Variants in HPSE2 observed in about 807,000 individuals in gnomAD.
HPSE2 encodes the protein inactive heparanase-2.
In HPSE2, 38 loss-of-function variants were observed where a neutral mutation model predicts 60.5. That is an observed-to-expected ratio of 0.63 (90% CI 0.48 to 0.82). HPSE2 has a LOEUF of 0.82. Ranked by LOEUF, HPSE2 falls within the 40% of genes least tolerant of loss-of-function variation. HPSE2 has a pLI of 0.00. For synonymous variants in HPSE2, 295 were observed against 293.2 expected (o/e 1.01, Z -0.06); for missense variants, 713 against 740.4 (o/e 0.96, Z 0.43).
intron 3 of HPSE2, among the ~76,000 whole-genome samples, chr10:99,066,118 T>C (rs1051888663): frequency 2.6e-5 from 4 of 151,900 alleles, no homozygotes; most frequent in Non-Finnish European, 5.9e-5. Context: ...CTAAAGATTA[T>C]AGCTTTGGCA....
chr10:98,609,351 C>T (rs889050297), intron 9 of HPSE2, among the ~76,000 whole-genome samples: 12 of 152,234 alleles, frequency 7.9e-5, no homozygotes, highest in South Asian at 4.2e-4. Context: ...TAAGTGTTTA[C>T]GAATAAGTGA....
rs1564832664 is a variant in HPSE2, at chr10:99,132,187, A to AAGAG, written c.610+12050_610+12051insCTCT. 9.9e-4 allele frequency among the ~76,000 whole-genome samples: 24 copies of AAGAG among 24,204 alleles called. 1 individual carries two copies. Among genetic ancestry groups the AAGAG allele is most frequent in the African/African-American group, 2.4e-3 (24 of 9,814 alleles). The allele number at this position is 24,204 out of a possible 152,430, so 15.9% of individuals were successfully genotyped here. On this transcript the variant is annotated intron_variant, in intron 3 of 11. Coordinates refer to ENST00000370552, the MANE Select transcript of HPSE2 (RefSeq NM_021828.5). ...AAAGAAAGAAAGAAAGAAAGAAAGA[A>AAGAG]AGAAAGAGAGAGAGAGAGAGAGAGA...
At chr10:98,544,949 C>T (rs1158932735) in intron 9 of HPSE2, among the ~76,000 whole-genome samples, 4 of 151,830 alleles carry the variant, frequency 2.6e-5, no homozygotes, top group Non-Finnish European at 5.9e-5. Context: ...CAAATAGATG[C>T]AATAAAAAAT....
chr10:98,705,674 A>G (rs1948528807), intron 5 of HPSE2, among the ~76,000 whole-genome samples: 2 of 152,188 alleles, frequency 1.3e-5, no homozygotes, highest in Admixed American at 6.5e-5. Context: ...CAAACACTGC[A>G]TGTTCTCACT....
At chr10:98,708,177 C>T (rs888439520) in intron 5 of HPSE2, among the ~76,000 whole-genome samples, 1 of 152,058 alleles carries the variant, frequency 6.6e-6, no homozygotes, top group Non-Finnish European at 1.5e-5. Flanking sequence ...AAATTTCAGG[C>T]CGGGCACGGT....
chr10:98,542,045 GAC>G (rs1329155701), intron 9 of HPSE2, among the ~76,000 whole-genome samples: 11 of 88,140 alleles, frequency 1.2e-4, no homozygotes, highest in Middle Eastern at 5.3e-3. Context: ...CCTGACCCCT[GAC>G]CCCCAAGCAG....
intron 6 of HPSE2, among the ~76,000 whole-genome samples, chr10:98,671,481 C>T (rs528522323): frequency 6.6e-6 from 1 of 151,980 alleles, no homozygotes; most frequent in East Asian, 1.9e-4. Flanking sequence ...GATAATCTAA[C>T]AGACCTTGTC....
intron 3 of HPSE2, among the ~76,000 whole-genome samples, chr10:99,107,510 A>T (rs1403184929): frequency 6.6e-6 from 1 of 152,196 alleles, no homozygotes; most frequent in Non-Finnish European, 1.5e-5. Flanking sequence ...AACACTAAGC[A>T]TAAATTTAAT....
At chr10:98,825,985 A>C (rs1043112754) in intron 3 of HPSE2, among the ~76,000 whole-genome samples, 2 of 152,208 alleles carry the variant, frequency 1.3e-5, no homozygotes, top group Non-Finnish European at 2.9e-5. Context: ...CAGACTCCTC[A>C]TCATTTAAAT....
chr10:99,038,490 T>C (rs1366303320), intron 3 of HPSE2, among the ~76,000 whole-genome samples: 1 of 152,138 alleles, frequency 6.6e-6, no homozygotes, highest in Admixed American at 6.5e-5. Context: ...GAAAACAGAT[T>C]AGTTGTTGCC....
intron 3 of HPSE2, among the ~76,000 whole-genome samples, chr10:98,879,762 C>T (rs950693834): frequency 4.0e-5 from 6 of 151,690 alleles, no homozygotes; most frequent in Non-Finnish European, 7.4e-5. Flanking sequence ...ATGGAGCAAA[C>T]ATTTGTGGCG....
chr10:99,196,454 C>T (rs1189721191), intron 2 of HPSE2, among the ~76,000 whole-genome samples: 3 of 151,954 alleles, frequency 2.0e-5, no homozygotes, highest in South Asian at 2.1e-4. Context: ...TTACAAACTA[C>T]GCATCTGACA....
At chr10:99,255,977 C>A in the HPSE2 span, among the ~76,000 whole-genome samples, 1 of 152,032 alleles carries the variant, frequency 6.6e-6, no homozygotes, top group African/African-American at 2.4e-5. Context: ...TGGCAGAAGG[C>A]GAAGCAGAGG....
At chr10:98,629,000 G>T (rs958646934) in intron 7 of HPSE2, among the ~76,000 whole-genome samples, 2 of 152,024 alleles carry the variant, frequency 1.3e-5, no homozygotes, top group African/African-American at 4.8e-5. Context: ...GTGTTTCCTT[G>T]ATATCCTGCC....
intron 6 of HPSE2, among the ~76,000 whole-genome samples, chr10:98,679,363 C>T (rs1384473506): frequency 6.6e-6 from 1 of 152,140 alleles, no homozygotes; most frequent in African/African-American, 2.4e-5. Context: ...CTTTTTCATT[C>T]TCACCTCTCA....
chr10:98,693,393 C>T (rs562057857), intron 6 of HPSE2, among the ~76,000 whole-genome samples: 2 of 152,210 alleles, frequency 1.3e-5, no homozygotes, highest in Non-Finnish European at 2.9e-5. Context: ...GGAGTTTATT[C>T]CCTTTCTTGA....
intron 9 of HPSE2, among the ~76,000 whole-genome samples, chr10:98,507,288 A>G (rs901163460): frequency 6.6e-6 from 1 of 152,176 alleles, no homozygotes; most frequent in African/African-American, 2.4e-5. Flanking sequence ...TAAAAGTAAC[A>G]TATAGGCACA....
the HPSE2 span, among the ~76,000 whole-genome samples, chr10:99,255,595 C>CAT: frequency 6.8e-6 from 1 of 147,372 alleles, no homozygotes; most frequent in Admixed American, 6.7e-5. Flanking sequence ...CACACACACA[C>CAT]GACTACAATA....
chr10:99,020,816 A>C (rs888742655), intron 3 of HPSE2, among the ~76,000 whole-genome samples: 5 of 152,198 alleles, frequency 3.3e-5, no homozygotes, highest in African/African-American at 1.2e-4. Flanking sequence ...GAGACATTCT[A>C]GGTGATTTTC....
Sources: gnomAD v4.1 joint callset for allele counts (sites outside exome capture counted in the v4.1 genomes callset) on GRCh38, gnomAD v4.1.1 for gene constraint, MANE v1.5 for transcripts, NCBI Gene and HGNC (gene_info 2026-07-23, HGNC 2026-07-21) for gene names.